Variants in ARHGEF12 observed in about 807,000 individuals in gnomAD.
ARHGEF12 encodes the protein KMT2A/ARHGEF12 fusion protein.
Under a neutral mutation model 211.2 loss-of-function variants are expected in ARHGEF12, and 66 were observed. The observed-to-expected ratio is 0.31, with a 90% CI of 0.26 to 0.38. The LOEUF (loss-of-function observed/expected upper bound fraction) is 0.38. ARHGEF12 is among the 10% of genes least tolerant of loss of function. ARHGEF12 has a pLI of 1.00. For missense variants in ARHGEF12, 1,429 were observed against 1,869.5 expected, an observed-to-expected ratio of 0.76 and a Z score of 4.34; for synonymous variants, 592 against 638.4, an observed-to-expected ratio of 0.93 and a Z score of 1.09.
intron 1 of ARHGEF12, among the ~76,000 whole-genome samples, chr11:120,390,555 G>C (rs1314784347): frequency 6.6e-6 from 1 of 152,206 alleles, no homozygotes; most frequent in Non-Finnish European, 1.5e-5. Context: ...AGGAGATACA[G>C]ATTGTGTAGG....
At chr11:120,429,932 T>C (rs1945475145) in intron 10 of ARHGEF12, 101 bp downstream of exon 10, 2 of 1,346,842 alleles carry the variant, frequency 1.5e-6, no homozygotes, top group Non-Finnish European at 1.0e-6. Flanking sequence ...AAGTTATTTT[T>C]CTAGCGTAGG....
chr11:120,351,193 C>T lies in ARHGEF12; in HGVS notation c.32+13918C>T, dbSNP rs542736696. 3.9e-4 allele frequency among the ~76,000 whole-genome samples: 59 copies of T among 149,716 alleles called. 1 individual carries two copies. In the South Asian group the frequency reaches 0.011, roughly 29 times the overall value. The stretch of plus-strand genomic sequence containing the variant: ...TGAAACCCCGTCTCTACTAAAAATA[C>T]AAAAAAAATTACCTGGGTGTGGTAG... On this transcript the variant is annotated intron_variant, in intron 1 of 40. Transcript: ENST00000397843.
chr11:120,461,706 T>C (rs1288985667), intron 27 of ARHGEF12, among the ~76,000 whole-genome samples: 1 of 152,262 alleles, frequency 6.6e-6, no homozygotes, highest in Admixed American at 6.5e-5. Flanking sequence ...TTGTTCAGTG[T>C]AGCCACTGTA....
rs1330823058 is a variant in ARHGEF12, at chr11:120,336,440, G to T, written c.-804G>T. Among the ~76,000 whole-genome samples the T allele has an allele frequency of 1.3e-5, 2 of 151,554 alleles. No homozygotes were observed. The highest frequency in any genetic ancestry group is 1.9e-4 in the East Asian group (1 of 5,154). ...AACCCGGCGAGCCGGCCCTGCGCCG[G>T]GAGACGCCGCCGCCTCCGCCTCCCG... On this transcript the variant is annotated 5_prime_UTR_variant, in exon 1 of 41. Transcript: ENST00000397843.
intron 6 of ARHGEF12, among the ~76,000 whole-genome samples, chr11:120,423,361 A>G (rs1392208532): frequency 6.6e-6 from 1 of 152,136 alleles, no homozygotes; most frequent in Non-Finnish European, 1.5e-5. Flanking sequence ...AAAAGCCTTT[A>G]AGAAAGTATA....
intron 1 of ARHGEF12, among the ~76,000 whole-genome samples, chr11:120,369,376 G>T (rs1205340487): frequency 6.6e-6 from 1 of 152,012 alleles, no homozygotes; most frequent in Non-Finnish European, 1.5e-5. Context: ...TAATCTGCCT[G>T]CCTTGGCCTC....
intron 12 of ARHGEF12, chr11:120,439,883 T>C: frequency 6.8e-6 from 3 of 444,374 alleles, no homozygotes; most frequent in Non-Finnish European, 1.2e-5. Context: ...ATTTACTGTT[T>C]CCAAGGGGAG....
intron 37 of ARHGEF12, 72 bp from the exon 38 acceptor site, chr11:120,479,888 A>G: frequency 7.9e-7 from 1 of 1,263,722 alleles, no homozygotes; most frequent in African/African-American, 1.5e-5. Context: ...TAAGTCAGCT[A>G]ATTTAATTCT....
At chr11:120,392,433 G>C (rs888276442) in intron 1 of ARHGEF12, among the ~76,000 whole-genome samples, 2 of 152,102 alleles carry the variant, frequency 1.3e-5, no homozygotes, top group Admixed American at 6.5e-5. Context: ...TAAGCTGCTT[G>C]AGAGCAAGGA....
chr11:120,376,788 C>G (rs920167878), intron 1 of ARHGEF12, among the ~76,000 whole-genome samples: 4 of 152,008 alleles, frequency 2.6e-5, no homozygotes, highest in African/African-American at 9.7e-5. Flanking sequence ...CCCAACTTCC[C>G]CAACCCCCCA....
intron 1 of ARHGEF12, among the ~76,000 whole-genome samples, chr11:120,370,157 T>C (rs1943550253): frequency 6.6e-6 from 1 of 152,200 alleles, no homozygotes; most frequent in Non-Finnish European, 1.5e-5. Flanking sequence ...TGAATATTAA[T>C]AAAATATTAT....
chr11:120,361,565 T>C (rs899105465), intron 1 of ARHGEF12, among the ~76,000 whole-genome samples: 1 of 152,250 alleles, frequency 6.6e-6, no homozygotes, highest in Non-Finnish European at 1.5e-5. Flanking sequence ...GTCTACTCTT[T>C]GCTGCCATCC....
chr11:120,445,624 C>T (rs1398579787), intron 16 of ARHGEF12, among the ~76,000 whole-genome samples, 160 bp downstream of exon 16: 2 of 152,182 alleles, frequency 1.3e-5, no homozygotes, highest in African/African-American at 4.8e-5. Flanking sequence ...TGAGGCCGGG[C>T]GTAGTGGCTC....
chr11:120,409,337 C>T, intron 3 of ARHGEF12, 57 bp from the exon 4 acceptor site: 1 of 1,563,876 alleles, frequency 6.4e-7, no homozygotes, highest in Non-Finnish European at 8.8e-7. Context: ...GAATTTTTCC[C>T]CTTACATTGT....
chr11:120,483,258 C>CTTTTTTTT (rs777120176), intron 39 of ARHGEF12, among the ~76,000 whole-genome samples: 2 of 97,502 alleles, frequency 2.1e-5, no homozygotes, highest in African/African-American at 4.0e-5. Context: ...CCATAATAAT[C>CTTTTTTTT]TTTTTTTTTT....
intron 30 of ARHGEF12, among the ~76,000 whole-genome samples, chr11:120,471,928 T>G (rs1412965789): frequency 6.6e-6 from 1 of 152,314 alleles, no homozygotes; most frequent in East Asian, 1.9e-4. Flanking sequence ...TACAAAGACA[T>G]ATATTTAAGT....
intron 1 of ARHGEF12, among the ~76,000 whole-genome samples, chr11:120,341,299 C>T (rs1156635146): frequency 1.3e-5 from 2 of 152,168 alleles, no homozygotes; most frequent in African/African-American, 4.8e-5. Flanking sequence ...CTTAGGTGAT[C>T]CACCCGTCTC....
intron 1 of ARHGEF12, among the ~76,000 whole-genome samples, chr11:120,379,286 C>G (rs1300688630): frequency 1.3e-5 from 2 of 151,916 alleles, no homozygotes; most frequent in Non-Finnish European, 2.9e-5. Flanking sequence ...CATACTGTTA[C>G]TAAACTTGCT....
intron 38 of ARHGEF12, among the ~76,000 whole-genome samples, chr11:120,480,699 C>T (rs968528607): frequency 5.3e-5 from 8 of 150,724 alleles, no homozygotes; most frequent in African/African-American, 1.9e-4. Context: ...AATAAGTAAA[C>T]AAATAAATAG....
Sources: allele counts gnomAD v4.1 joint callset (sites outside exome capture counted in the v4.1 genomes callset), GRCh38; gene constraint gnomAD v4.1.1; transcripts MANE v1.5; gene names NCBI Gene and HGNC (gene_info 2026-07-23, HGNC 2026-07-21).